DIP2B: variants seen among roughly 807,000 people sequenced by gnomAD.
DIP2B encodes disco-interacting protein 2 homolog B.
A neutral mutation model predicts 198.0 loss-of-function variants in DIP2B; 76 were observed. The observed-to-expected ratio is 0.38, with a 90% confidence interval of 0.32 to 0.46. DIP2B has a LOEUF of 0.46. DIP2B is among the 20% of genes least tolerant of loss of function. The pLI, the probability that DIP2B is intolerant of heterozygous loss-of-function variation, is 0.99. For missense variants in DIP2B, 1,559 were observed against 1,978.4 expected (o/e 0.79, Z 4.02); for synonymous variants, 701 against 739.1 (o/e 0.95, Z 0.84).
chr12:50,615,975 G>A (rs1937694174), intron 1 of DIP2B, among the ~76,000 whole-genome samples: 1 of 152,148 alleles, frequency 6.6e-6, no homozygotes, highest in Non-Finnish European at 1.5e-5. Context: ...TTTCTAAGTG[G>A]ACAAATAAAC....
At chr12:50,649,924 C>T (rs907835427) in intron 3 of DIP2B, among the ~76,000 whole-genome samples, 17 of 151,792 alleles carry the variant, frequency 1.1e-4, no homozygotes, top group South Asian at 2.1e-4. Flanking sequence ...AAGTGCCAAA[C>T]GAGCCCGTGC....
intron 32 of DIP2B, among the ~76,000 whole-genome samples, chr12:50,733,838 C>G (rs4768911): frequency 0.26 from 38,811 of 152,166 alleles, 5,826 homozygotes; most frequent in East Asian, 0.41. Context: ...AACTTGAGCC[C>G]CATCATAGCC....
rs751620958 is a variant in DIP2B at position 50,695,943 on chromosome 12, A to G, written c.1909A>G (p.Ile637Val). Residue 637 changes from isoleucine (I) to valine (V), a missense_variant, in exon 16 of 38, where the codon ATT (isoleucine) becomes GTT (valine). By Grantham distance (29) the Ile-to-Val change is conservative. Coordinates refer to ENST00000301180, the MANE Select transcript of DIP2B (RefSeq NM_173602.3). ...GAGCTTGAGTTCCCTCCGAATGTTA[A>G]TTGTGACTGATGGAGCTAACCCCTG... ...DVSLSSLRML[I>V]VTDGANPWSV... is the part of the protein sequence containing the mutation. The G allele has an allele frequency of 2.1e-5, 34 of 1,613,974 alleles. No individual in the cohort carries two copies. The highest frequency in any genetic ancestry group is 2.8e-5 in the Non-Finnish European group (33 of 1,179,950).
intron 5 of DIP2B, among the ~76,000 whole-genome samples, chr12:50,673,227 C>T (rs1042612536): frequency 6.6e-6 from 1 of 152,148 alleles, no homozygotes; most frequent in African/African-American, 2.4e-5. Flanking sequence ...CTAATAATTA[C>T]AGACTTAAGG....
At chr12:50,605,856 T>A (rs1958976806) in intron 1 of DIP2B, among the ~76,000 whole-genome samples, 1 of 152,132 alleles carries the variant, frequency 6.6e-6, no homozygotes, top group South Asian at 2.1e-4. Flanking sequence ...AGTTTCACTC[T>A]TGTTGCCCAG....
At position 50,607,660 on chromosome 12, in the gene DIP2B, C is replaced by T. The variant is rs142633450; in HGVS notation, c.101-18316C>T. On this transcript the variant is annotated intron_variant, in intron 1 of 37. Coordinates refer to ENST00000301180, the MANE Select transcript of DIP2B (RefSeq NM_173602.3). ...CTGAAGTGTAATAGAATATAATCAG[C>T]AAAAGCAGAGTGGTTGAAGCTTGGA... is the stretch of plus-strand genomic sequence containing the variant. 2.6e-4 allele frequency among the ~76,000 whole-genome samples: 40 copies of T among 152,262 alleles called. No homozygotes were observed. In the East Asian group the frequency reaches 6.8e-3, roughly 26 times the overall value.
At chr12:50,553,209 A>G (rs1958442096) in intron 1 of DIP2B, among the ~76,000 whole-genome samples, 2 of 152,250 alleles carry the variant, frequency 1.3e-5, no homozygotes, top group Non-Finnish European at 2.9e-5. Flanking sequence ...CAGTTTTCCC[A>G]GAACCATTTG....
chr12:50,564,931 T>C (rs1012667159), intron 1 of DIP2B, among the ~76,000 whole-genome samples: 17 of 152,200 alleles, frequency 1.1e-4, no homozygotes, highest in Non-Finnish European at 1.9e-4. Context: ...ATATATGACA[T>C]AGAATAGTAA....
At chr12:50,598,546 T>C (rs1040942792) in intron 1 of DIP2B, among the ~76,000 whole-genome samples, 5 of 151,950 alleles carry the variant, frequency 3.3e-5, no homozygotes, top group Admixed American at 2.0e-4. Flanking sequence ...AAATTCCTCG[T>C]GACTGCCACT....
At chr12:50,607,221 G>A (rs1003945591) in intron 1 of DIP2B, among the ~76,000 whole-genome samples, 4 of 151,870 alleles carry the variant, frequency 2.6e-5, no homozygotes, top group African/African-American at 7.3e-5. Context: ...GGAGCTTTGC[G>A]TAGATTATCT....
intron 1 of DIP2B, among the ~76,000 whole-genome samples, chr12:50,544,765 G>A (rs894378121): frequency 1.3e-5 from 2 of 151,534 alleles, no homozygotes; most frequent in Admixed American, 6.6e-5. Context: ...CTACAGGTGC[G>A]TGCCACCACG....
chr12:50,732,752 A>G (rs1349878762), intron 32 of DIP2B, among the ~76,000 whole-genome samples: 4 of 152,150 alleles, frequency 2.6e-5, no homozygotes, highest in Non-Finnish European at 5.9e-5. Flanking sequence ...AGCTTGCACA[A>G]TCACTGAGCT....
chr12:50,507,322 T>C (rs779226273), intron 1 of DIP2B, among the ~76,000 whole-genome samples: 14 of 152,222 alleles, frequency 9.2e-5, no homozygotes, highest in Non-Finnish European at 1.9e-4. Context: ...GTCAGCATAT[T>C]GGTCATCTTT....
chr12:50,675,525 A>G (rs1245644067), intron 7 of DIP2B, 77 bp downstream of exon 7: 1 of 1,384,886 alleles, frequency 7.2e-7, no homozygotes, highest in Non-Finnish European at 9.8e-7. Flanking sequence ...TAGGTACTGT[A>G]GGGTTAAAGA....
intron 1 of DIP2B, among the ~76,000 whole-genome samples, chr12:50,546,277 G>A (rs940392204): frequency 1.3e-5 from 2 of 152,216 alleles, no homozygotes; most frequent in Admixed American, 6.5e-5. Flanking sequence ...ACAGCATATA[G>A]TTTTAGATGC....
At chr12:50,600,567 A>G (rs1447645042) in intron 1 of DIP2B, among the ~76,000 whole-genome samples, 2 of 152,174 alleles carry the variant, frequency 1.3e-5, no homozygotes, top group Admixed American at 6.5e-5. Flanking sequence ...CCTGTTGGAC[A>G]GCTCAGGAAA....
intron 32 of DIP2B, among the ~76,000 whole-genome samples, chr12:50,733,495 C>T (rs1940084673): frequency 6.6e-6 from 1 of 152,060 alleles, no homozygotes; most frequent in Non-Finnish European, 1.5e-5. Context: ...TGAGACCAGC[C>T]TGGGCAACAT....
Position 50,593,270 on chromosome 12 carries a change from G to T in DIP2B, c.101-32706G>T, listed in dbSNP as rs149444148. 6.3e-3 allele frequency among the ~76,000 whole-genome samples: 961 copies of T among 152,238 alleles called. 52 individuals are homozygous for T. In the East Asian group the frequency reaches 0.14, roughly 22 times the overall value. On this transcript the variant is annotated intron_variant, in intron 1 of 37. Coordinates refer to ENST00000301180, the MANE Select transcript of DIP2B (RefSeq NM_173602.3). ...GCCTGTAATCCCAGCACTTTGGGAG[G>T]CCAAGGTGGGCGGATCACGAGGTCA...
chr12:50,645,912 G>A (rs1938341946), intron 3 of DIP2B, among the ~76,000 whole-genome samples: 1 of 151,932 alleles, frequency 6.6e-6, no homozygotes, highest in African/African-American at 2.4e-5. Context: ...TGGAGACCTG[G>A]AAAAATATAT....
Sources: gnomAD v4.1 joint callset for allele counts (sites outside exome capture counted in the v4.1 genomes callset) on GRCh38, gnomAD v4.1.1 for gene constraint, MANE v1.5 for transcripts, NCBI Gene and HGNC (gene_info 2026-07-23, HGNC 2026-07-21) for gene names.